The following EML6 variants were observed in gnomAD, a reference collection of about 807,000 sequenced individuals.
EML6 encodes EMAP like 6.
In EML6, 154 loss-of-function variants were observed where a neutral mutation model predicts 240.1. The ratio of observed to expected loss-of-function variants is 0.64; its 90% CI spans 0.56 to 0.73. EML6 has a LOEUF of 0.73. Ranked by LOEUF, EML6 falls within the 30% of genes least tolerant of loss-of-function variation. The pLI, the probability that EML6 is intolerant of heterozygous loss-of-function variation, is 0.00. For synonymous variants in EML6, 1,148 were observed against 899.0 expected (o/e 1.28, Z -4.95); for missense variants, 2,964 against 2,474.6 (o/e 1.20, Z -4.20).
chr2:54,916,754 T>C lies in EML6; in HGVS notation c.3499-5T>C. On this transcript the variant is annotated splice_region_variant and splice_polypyrimidine_tract_variant and intron_variant, in intron 25 of 41. Transcript: ENST00000356458. The stretch of plus-strand genomic sequence containing the variant: ...AAAATATCATTCTCTTTCGTTCTTT[T>C]TCAGATCGAGAAGATAGAGTGGGAC... 6.7e-7 allele frequency: 1 copy of C among 1,483,628 alleles called. No homozygotes were observed. The highest frequency in any genetic ancestry group is 9.1e-7 in the Non-Finnish European group (1 of 1,102,730). The allele number at this position is 1,483,628 out of a possible 1,614,324, so 91.9% of individuals were successfully genotyped here.
At position 54,725,237 on chromosome 2, in the gene EML6, G is replaced by A. The variant is rs544855116; in HGVS notation, c.176G>A (p.Gly59Glu). 6.0e-6 allele frequency: 9 copies of A among 1,487,636 alleles called. No individual in the cohort carries two copies. The East Asian group carries it at 2.3e-4, about 38-fold the overall frequency. The allele number at this position is 1,487,636 out of a possible 1,614,324, so 92.2% of individuals were successfully genotyped here. A position where few individuals can be genotyped will look rare whatever the true frequency, so the allele number is the denominator to read the frequency against. ...TREHSQKFFLGHNDDIISLAL... is the reference protein window; with the variant it reads ...TREHSQKFFLEHNDDIISLAL... ...GAGCACAGCCAAAAATTCTTCCTGG[G>A]ACACAACGACGACATTATCAGGTAA... is the stretch of plus-strand genomic sequence containing the variant. The change falls in exon 2 of 42, where the codon GGA (glycine) becomes GAA (glutamate). Residue 59 changes from glycine to glutamate, a missense_variant. Coordinates refer to ENST00000356458, the MANE Select transcript of EML6 (RefSeq NM_001039753.4). The surrounding 1 kb of genome is among the most constrained non-coding windows in gnomAD (Gnocchi z 4.3).
chr2:54,946,390 C>T (rs1573196625), intron 28 of EML6, among the ~76,000 whole-genome samples: 2 of 152,158 alleles, frequency 1.3e-5, no homozygotes, highest in South Asian at 4.1e-4. Context: ...GAATGACCAA[C>T]TCTAATGAGC....
chr2:54,959,040 G>C, intron 33 of EML6, 64 bp from the exon 34 acceptor site: 1 of 1,440,718 alleles, frequency 6.9e-7, no homozygotes, highest in Non-Finnish European at 9.3e-7. Context: ...ATGAGAGAAC[G>C]GGTGGCTGGG....
At chr2:54,953,885 TAA>T (rs34371058) in intron 31 of EML6, 96 bp from the exon 32 acceptor site, 27,159 of 771,752 alleles carry the variant, frequency 0.035, no homozygotes, top group South Asian at 0.047. Flanking sequence ...AGACTCTGTC[TAA>T]AAAAAAAAAA....
In EML6 at chr2:54,964,585, A is replaced by G. The variant is rs1057427513; in HGVS notation, c.5345A>G (p.Asn1782Ser). Residue 1782 changes from asparagine to serine, a missense_variant, in exon 38 of 42, where the codon AAC (asparagine) becomes AGC (serine). Physicochemically the swap from Asn to Ser is conservative, Grantham distance 46. Coordinates refer to ENST00000356458, the MANE Select transcript of EML6 (RefSeq NM_001039753.4). Reference protein sequence around the residue: ...AIQDIRISPDNRFLAVGSSEH... With the variant: ...AIQDIRISPDSRFLAVGSSEH... ...GCTTTTTCTAGAATCAGCCCAGACA[A>G]CCGATTCTTAGCCGTTGGTTCTTCT... 2 of 1,552,354 alleles carry G rather than the reference A, an allele frequency of 1.3e-6. No individual in the cohort carries two copies. The highest frequency in any genetic ancestry group is 1.7e-6 in the Non-Finnish European group (2 of 1,147,126).
chr2:54,886,531 T>C (rs1012690094), intron 17 of EML6, among the ~76,000 whole-genome samples: 107 of 152,276 alleles, frequency 7.0e-4, no homozygotes, highest in East Asian at 1.2e-3. Flanking sequence ...GAATGGAAAA[T>C]GGTGCAGCAA....
intron 33 of EML6, among the ~76,000 whole-genome samples, chr2:54,958,495 ATTT>A (rs149140092): frequency 6.7e-6 from 1 of 150,256 alleles, no homozygotes; most frequent in South Asian, 2.1e-4. Context: ...CCTGGCCAAT[ATTT>A]TTTTTTTCTT....
Position 54,916,966 on chromosome 2 carries a change from C to G in EML6, c.3675+31C>G, listed in dbSNP as rs2304685. ...ATTGCGTGTTTATTATCTTTACTTG[C>G]TCAGTCTCCTTAATAACCTTAAATA... On this transcript the variant is annotated intron_variant, in intron 26 of 41. Transcript: ENST00000356458. 0.095 allele frequency: 140,875 copies of G among 1,477,038 alleles called. 7,307 individuals are homozygous for G. The highest frequency in any genetic ancestry group is 0.14 in the South Asian group (11,547 of 79,928). The allele number at this position is 1,477,038 out of a possible 1,614,324, so 91.5% of individuals were successfully genotyped here.
At position 54,802,209 on chromosome 2, in the gene EML6, G is replaced by A. The variant is rs1245601309; in HGVS notation, c.198-11023G>A. ...GCAGAATTTTAAAACACTGATGGCA[G>A]AATTGGAAAGAATGCCCCCGATACA... On this transcript the variant is annotated intron_variant, in intron 2 of 41. Coordinates refer to ENST00000356458, the MANE Select transcript of EML6 (RefSeq NM_001039753.4). Among the ~76,000 whole-genome samples, 4 of 152,272 alleles carry A rather than the reference G, an allele frequency of 2.6e-5. No homozygotes were observed. The East Asian group carries it at 7.7e-4, about 29-fold the overall frequency.
intron 2 of EML6, among the ~76,000 whole-genome samples, chr2:54,806,203 G>A (rs1361280256): frequency 6.6e-6 from 1 of 152,078 alleles, no homozygotes; most frequent in East Asian, 1.9e-4. Flanking sequence ...TCAGATAACT[G>A]ATCTTGTCCA....
At chr2:54,959,031 T>G (rs1176332724) in intron 33 of EML6, 73 bp from the exon 34 acceptor site, 352 of 1,396,968 alleles carry the variant, frequency 2.5e-4, no homozygotes, top group Non-Finnish European at 2.7e-4. Flanking sequence ...GGTTCCTTAA[T>G]GAGAGAACGG....
intron 2 of EML6, among the ~76,000 whole-genome samples, chr2:54,762,160 T>C (rs1668007851): frequency 6.6e-6 from 1 of 152,202 alleles, no homozygotes; most frequent in African/African-American, 2.4e-5. Context: ...CCTAAGCCTC[T>C]CTTTATCTTT....
intron 2 of EML6, among the ~76,000 whole-genome samples, chr2:54,778,549 G>C (rs537423924): frequency 6.6e-6 from 1 of 152,200 alleles, no homozygotes; most frequent in African/African-American, 2.4e-5. Flanking sequence ...TGGGTCCCAT[G>C]TATTTCTTTT....
chr2:54,877,875 T>C (rs1671594110), intron 16 of EML6, among the ~76,000 whole-genome samples: 1 of 152,236 alleles, frequency 6.6e-6, no homozygotes, highest in Non-Finnish European at 1.5e-5. Context: ...CCAGACTTTT[T>C]CTTTCTCTGA....
chr2:54,759,707 A>G (rs1667894964), intron 2 of EML6, among the ~76,000 whole-genome samples: 1 of 152,052 alleles, frequency 6.6e-6, no homozygotes, highest in African/African-American at 2.4e-5. Flanking sequence ...TTCATCACCA[A>G]GCTAGCATGT....
Position 54,891,039 on chromosome 2 carries a change from A to G in EML6, c.2439-15A>G. On this transcript the variant is annotated splice_polypyrimidine_tract_variant and intron_variant, in intron 17 of 41. Coordinates refer to ENST00000356458, the MANE Select transcript of EML6 (RefSeq NM_001039753.4). The stretch of plus-strand genomic sequence containing the variant: ...CATCCAAACTAGAATCTTATTTCCT[A>G]TTTGTCTCTTACAGAGGACATAAAG... 4.0e-6 allele frequency: 5 copies of G among 1,260,422 alleles called. No homozygotes were observed. Among genetic ancestry groups the G allele is most frequent in the East Asian group, 2.6e-5 (1 of 38,776 alleles). 78.1% of individuals were successfully genotyped at this position (1,260,422 alleles called of 1,614,324 possible).
intron 2 of EML6, among the ~76,000 whole-genome samples, chr2:54,742,981 G>T (rs552126884): frequency 3.7e-4 from 57 of 152,206 alleles, no homozygotes; most frequent in African/African-American, 1.1e-3. Context: ...GCATATTTCT[G>T]GCCACAGGAA....
intron 4 of EML6, among the ~76,000 whole-genome samples, chr2:54,819,668 C>G (rs777477953): frequency 6.7e-6 from 1 of 149,222 alleles, no homozygotes; most frequent in Admixed American, 6.8e-5. Context: ...CCCAGCTACT[C>G]GGGAGGCTGA....
intron 9 of EML6, among the ~76,000 whole-genome samples, chr2:54,849,252 A>AT (rs1228961950): frequency 6.6e-6 from 1 of 152,024 alleles, no homozygotes; most frequent in East Asian, 1.9e-4. Context: ...CACCTTAAAT[A>AT]TTTTTTCTTT....
Sources: allele counts gnomAD v4.1 joint callset (sites outside exome capture counted in the v4.1 genomes callset), GRCh38; gene constraint gnomAD v4.1.1; non-coding constraint Gnocchi (gnomAD v3.1); transcripts MANE v1.5; gene names NCBI Gene and HGNC (gene_info 2026-07-23, HGNC 2026-07-21).